The following TRMU variants were observed in gnomAD, a reference collection of about 807,000 sequenced individuals.
The protein encoded by TRMU is tRNA mitochondrial 2-thiouridylase.
A neutral mutation model predicts 46.9 loss-of-function variants in TRMU; 49 were observed. That is an observed-to-expected ratio of 1.05 (90% CI 0.83 to 1.33). The LOEUF (loss-of-function observed/expected upper bound fraction) is 1.33, where lower values mean the gene tolerates loss of function less well. TRMU is among the 40% of genes most tolerant of loss of function. TRMU has a pLI of 0.00. For missense variants in TRMU, 572 were observed against 532.4 expected (o/e 1.07, Z -0.73); for synonymous variants, 241 against 200.9 (o/e 1.20, Z -1.69).
intron 8 of TRMU, 121 bp from the exon 9 acceptor site, chr22:46,355,323 G>A (rs1230611923): frequency 1.2e-5 from 17 of 1,446,086 alleles, no homozygotes; most frequent in Middle Eastern, 2.4e-4. Flanking sequence ...TTCGAGCGGT[G>A]CCAGCACCGT....
chr22:46,346,664 C>T (rs2078266955), intron 4 of TRMU, 120 bp downstream of exon 4: 1 of 1,226,056 alleles, frequency 8.2e-7, no homozygotes, highest in Non-Finnish European at 1.2e-6. Context: ...TCCAGAGTAG[C>T]TTGTATGGGA....
rs1156364161 is a variant in TRMU at position 46,337,110 on chromosome 22, A to G, written c.83-669A>G. ...GGTGTAGTTTTGACAAAGCTTTGTC[A>G]TCAAATTTCTGTTGTTTTGGGTACT... On this transcript the variant is annotated intron_variant, in intron 1 of 10. Coordinates refer to ENST00000645190, the MANE Select transcript of TRMU (RefSeq NM_018006.5). 2.0e-5 allele frequency among the ~76,000 whole-genome samples: 3 copies of G among 152,196 alleles called. 1 individual carries two copies. Among genetic ancestry groups the G allele is most frequent in the South Asian group, 4.1e-4 (2 of 4,834 alleles).
At chr22:46,356,681 T>C (rs1425136862) in intron 10 of TRMU, 161 bp from the exon 11 acceptor site, 2 of 852,438 alleles carry the variant, frequency 2.3e-6, no homozygotes, top group Non-Finnish European at 3.7e-6. Context: ...GCCTCTCCTC[T>C]CCTGTTCAGC....
rs2078428528 is a variant in TRMU, at chr22:46,351,641, G to C, written c.652-480G>C. The C allele has an allele frequency of 7.7e-6, 2 of 260,016 alleles. No individual in the cohort carries two copies. Among genetic ancestry groups the C allele is most frequent in the Non-Finnish European group, 1.5e-5 (2 of 132,258 alleles). 16.1% of individuals were successfully genotyped at this position (260,016 alleles called of 1,614,324 possible). Reference sequence around the variant, plus strand: ...AACCAGAGTAAACGATGCAGCCCCTGATGGGGCCACGGTGGAGAGCGCACG... The same window carrying C: ...AACCAGAGTAAACGATGCAGCCCCTCATGGGGCCACGGTGGAGAGCGCACG... On this transcript the variant is annotated intron_variant, in intron 5 of 10. Coordinates refer to ENST00000645190, the MANE Select transcript of TRMU (RefSeq NM_018006.5). This position sits in a 1 kb window ranked among gnomAD's most constrained non-coding sequence, Gnocchi z 6.4.
rs780628586 is a variant in TRMU at position 46,338,847 on chromosome 22, G to T, written c.248+903G>T. ...GTCTGACACAGCAGGCCATGTGCGCGGGACAGGCTGCCCCTGCCTGAGTGG... is the reference window on the plus strand; with the variant it reads ...GTCTGACACAGCAGGCCATGTGCGCTGGACAGGCTGCCCCTGCCTGAGTGG... On this transcript the variant is annotated intron_variant, in intron 2 of 10. Transcript: ENST00000645190. This position sits in a 1 kb window ranked among gnomAD's most constrained non-coding sequence, Gnocchi z 4.5. Among the ~76,000 whole-genome samples, 11 of 152,180 alleles carry T rather than the reference G, an allele frequency of 7.2e-5. 1 individual carries two copies. Among genetic ancestry groups the T allele is most frequent in the African/African-American group, 2.7e-4 (11 of 41,438 alleles).
Position 46,350,485 on chromosome 22 carries a change from T to C in TRMU, c.651+22T>C. ...AGAGGTACGAGTGAGCAGTTGCCTT[T>C]GATTAGTGCCTGTTTCCCTTTCCCG... On this transcript the variant is annotated intron_variant, in intron 5 of 10. Coordinates refer to ENST00000645190, the MANE Select transcript of TRMU (RefSeq NM_018006.5). The surrounding 1 kb of genome is among the most constrained non-coding windows in gnomAD (Gnocchi z 4.6). 6.2e-7 allele frequency: 1 copy of C among 1,612,872 alleles called. No homozygotes were observed. The highest frequency in any genetic ancestry group is 8.5e-7 in the Non-Finnish European group (1 of 1,179,902).
At chr22:46,345,156 C>T (rs1270090817) in intron 3 of TRMU, among the ~76,000 whole-genome samples, 3 of 151,444 alleles carry the variant, frequency 2.0e-5, no homozygotes, top group Non-Finnish European at 4.4e-5. Context: ...CTGCAACCTC[C>T]ACCTCCTGAG....
chr22:46,344,786 C>T (rs958800757), intron 3 of TRMU, among the ~76,000 whole-genome samples: 12 of 152,210 alleles, frequency 7.9e-5, no homozygotes, highest in African/African-American at 1.4e-4. Context: ...AGGCATCCTG[C>T]GCTTTTTCTA....
Position 46,355,940 on chromosome 22 carries a change from C to T in TRMU, c.1019-50C>T, listed in dbSNP as rs767285558. On this transcript the variant is annotated intron_variant, in intron 9 of 10. Coordinates refer to ENST00000645190, the MANE Select transcript of TRMU (RefSeq NM_018006.5). ...TCCTTTCTCCCTGGGGGCCTGAGGT[C>T]GACCAGGAAAGGCCTGTGCCCCCTC... is the stretch of plus-strand genomic sequence containing the variant. 2.0e-5 allele frequency: 32 copies of T among 1,600,368 alleles called. No individual in the cohort carries two copies. The East Asian group carries it at 3.6e-4, about 18-fold the overall frequency.
At position 46,351,567 on chromosome 22, in the gene TRMU, G is replaced by GAT; in HGVS notation, c.652-554_652-553insAT. The GAT allele has an allele frequency of 5.2e-6, 1 of 190,962 alleles. No individual in the cohort carries two copies. Among genetic ancestry groups the GAT allele is most frequent in the Non-Finnish European group, 1.1e-5 (1 of 90,478 alleles). 11.8% of individuals were successfully genotyped at this position (190,962 alleles called of 1,614,324 possible). A position where few individuals can be genotyped will look rare whatever the true frequency, so the allele number is the denominator to read the frequency against. On this transcript the variant is annotated intron_variant, in intron 5 of 10. Transcript: ENST00000645190. The surrounding 1 kb of genome is among the most constrained non-coding windows in gnomAD (Gnocchi z 6.4). ...CCTCTTGTTTTCCGTTTCCGGTGTC[G>GAT]CTCTGTGGTGGGAGCCGCAGGGATG...
chr22:46,355,716 A>C, intron 9 of TRMU, 128 bp downstream of exon 9: 1 of 1,490,874 alleles, frequency 6.7e-7, no homozygotes, highest in Admixed American at 1.9e-5. Context: ...GAGATTACCT[A>C]AAGTATTTAG....
chr22:46,337,699 C>G, intron 1 of TRMU, 80 bp from the exon 2 acceptor site: 2 of 1,570,350 alleles, frequency 1.3e-6, no homozygotes, highest in Non-Finnish European at 1.7e-6. Flanking sequence ...GTGTGGGGAA[C>G]TTCTCAGAGC....
At chr22:46,337,692 T>C in intron 1 of TRMU, 87 bp from the exon 2 acceptor site, 1 of 1,544,226 alleles carries the variant, frequency 6.5e-7, no homozygotes, top group African/African-American at 1.4e-5. Context: ...GCACAGCGTG[T>C]GGGGAACTTC....
intron 9 of TRMU, 65 bp from the exon 10 acceptor site, chr22:46,355,925 C>T (rs975617810): frequency 4.4e-6 from 7 of 1,581,710 alleles, no homozygotes; most frequent in Non-Finnish European, 6.1e-6. Context: ...TCCTTTCTCC[C>T]TGGGGGCCTG....
At position 46,349,025 on chromosome 22, in the gene TRMU, G is replaced by C. The variant is rs1227347555; in HGVS notation, c.479-1266G>C. Among the ~76,000 whole-genome samples, 1 of 152,060 alleles carries C rather than the reference G, an allele frequency of 6.6e-6. No homozygotes were observed. Among genetic ancestry groups the C allele is most frequent in the African/African-American group, 2.4e-5 (1 of 41,394 alleles). ...ATGGTGGCACATGCCTGTAGTCCCA[G>C]GTACTCTGGAGGCTGAGACAGGAGA... On this transcript the variant is annotated intron_variant, in intron 4 of 10. Coordinates refer to ENST00000645190, the MANE Select transcript of TRMU (RefSeq NM_018006.5). This position sits in a 1 kb window ranked among gnomAD's most constrained non-coding sequence, Gnocchi z 4.6.
At position 46,348,930 on chromosome 22, in the gene TRMU, C is replaced by G. The variant is rs1296454223; in HGVS notation, c.479-1361C>G. Among the ~76,000 whole-genome samples, 1 of 151,880 alleles carries G rather than the reference C, an allele frequency of 6.6e-6. No homozygotes were observed. Among genetic ancestry groups the G allele is most frequent in the Non-Finnish European group, 1.5e-5 (1 of 67,988 alleles). On this transcript the variant is annotated intron_variant, in intron 4 of 10. Transcript: ENST00000645190. The surrounding 1 kb of genome is among the most constrained non-coding windows in gnomAD (Gnocchi z 4.8). ...CAGGCGGATCATGAGGTCAGGAGTT[C>G]CAGACCAGCCTGGCCAACATGGTGA...
Position 46,338,816 on chromosome 22 carries a change from G to A in TRMU, c.248+872G>A, listed in dbSNP as rs984292823. On this transcript the variant is annotated intron_variant, in intron 2 of 10. Transcript: ENST00000645190. The surrounding 1 kb of genome is among the most constrained non-coding windows in gnomAD (Gnocchi z 4.5). ...CTGTGATGAATGTCGGGCAGTTGTC[G>A]AAGGCGTCTGACACAGCAGGCCATG... 1.3e-5 allele frequency among the ~76,000 whole-genome samples: 2 copies of A among 151,980 alleles called. No individual in the cohort carries two copies. Among genetic ancestry groups the A allele is most frequent in the South Asian group, 4.2e-4 (2 of 4,814 alleles).
intron 10 of TRMU, 192 bp from the exon 11 acceptor site, chr22:46,356,650 T>C: frequency 1.6e-6 from 1 of 641,400 alleles, no homozygotes; most frequent in Non-Finnish European, 2.7e-6. Context: ...CCCTCCCTAG[T>C]GAAGCCACTG....
chr22:46,351,900 G>C lies in TRMU; in HGVS notation c.652-221G>C. ...TGTGAGGGTCTCCCGCGCAGGGTCA[G>C]ACCCCGCGGGCCGAGACAATGAGGC... On this transcript the variant is annotated intron_variant, in intron 5 of 10. Transcript: ENST00000645190. This position sits in a 1 kb window ranked among gnomAD's most constrained non-coding sequence, Gnocchi z 6.4. 1 of 670,026 alleles carries C rather than the reference G, an allele frequency of 1.5e-6. No individual in the cohort carries two copies. The highest frequency in any genetic ancestry group is 2.2e-5 in the Admixed American group (1 of 45,798). The allele number at this position is 670,026 out of a possible 1,614,324, so 41.5% of individuals were successfully genotyped here.
Sources: allele counts gnomAD v4.1 joint callset (sites outside exome capture counted in the v4.1 genomes callset), GRCh38; gene constraint gnomAD v4.1.1; non-coding constraint Gnocchi (gnomAD v3.1); transcripts MANE v1.5; gene names NCBI Gene and HGNC (gene_info 2026-07-23, HGNC 2026-07-21).